Variants in CUBN observed in about 807,000 individuals in gnomAD.
CUBN encodes 460 kDa receptor.
A neutral mutation model predicts 405.3 loss-of-function variants in CUBN; 282 were observed. The observed-to-expected ratio is 0.70, with a 90% CI of 0.63 to 0.77. The LOEUF (loss-of-function observed/expected upper bound fraction) is 0.77. Ranked by LOEUF, CUBN falls within the 30% of genes least tolerant of loss-of-function variation. CUBN has a pLI of 0.00. For missense variants in CUBN, 4,514 were observed against 4,475.2 expected (o/e 1.01, Z -0.25); for synonymous variants, 1,684 against 1,617.0 (o/e 1.04, Z -0.99).
chr10:16,835,202 G>A lies in CUBN; in HGVS notation c.10181-7C>T. ...TGATAGTCTCTGTTGCAATCTTAGA[G>A]GAAAAATAGGCATAATTAATGTACG... is the stretch of plus-strand genomic sequence containing the variant. On this transcript the variant is annotated splice_region_variant and splice_polypyrimidine_tract_variant and intron_variant, in intron 63 of 66. Transcript: ENST00000377833. 1 of 1,609,716 alleles carries A rather than the reference G, an allele frequency of 6.2e-7. No homozygotes were observed. Among genetic ancestry groups the A allele is most frequent in the Non-Finnish European group, 8.5e-7 (1 of 1,176,022 alleles).
chr10:16,876,200 T>C (rs1215125876), intron 57 of CUBN, among the ~76,000 whole-genome samples: 3 of 152,224 alleles, frequency 2.0e-5, no homozygotes, highest in Non-Finnish European at 2.9e-5. Context: ...ACAAGATTTG[T>C]GTGCCAGTTT....
chr10:16,902,132 C>T (rs1487903377), intron 51 of CUBN, among the ~76,000 whole-genome samples: 1 of 131,660 alleles, frequency 7.6e-6, no homozygotes, highest in African/African-American at 2.9e-5. Context: ...TATATATATA[C>T]ACACTATATA....
Position 17,068,223 on chromosome 10 carries a change from T to G in CUBN, c.2849A>C (p.Asn950Thr). The change falls in exon 21 of 67, where the codon AAT (asparagine) becomes ACT (threonine). Residue 950 changes from asparagine (N) to threonine (T), a missense_variant. Physicochemically the swap from Asn to Thr is moderately conservative, Grantham distance 65. Coordinates refer to ENST00000377833, the MANE Select transcript of CUBN (RefSeq NM_001081.4). ...ACAGTTGATACCGTGGGGGTAGACA[T>G]TTGGATGGCCAGGACTTTGAATGGT... is the stretch of plus-strand genomic sequence containing the variant. ...TGTIQSPGHP[N>T]VYPHGINCTW... is the part of the protein sequence containing the mutation. 6.2e-7 allele frequency: 1 copy of G among 1,613,702 alleles called. No individual in the cohort carries two copies. Among genetic ancestry groups the G allele is most frequent in the Non-Finnish European group, 8.5e-7 (1 of 1,179,686 alleles).
chr10:17,127,996 A>G (rs1837239491), intron 2 of CUBN, 72 bp from the exon 3 acceptor site: 2 of 1,099,534 alleles, frequency 1.8e-6, no homozygotes, highest in East Asian at 2.4e-5. Flanking sequence ...CAGTAACATA[A>G]TTAAAAACTT....
chr10:17,109,504 T>C, intron 10 of CUBN, 136 bp downstream of exon 10: 1 of 732,420 alleles, frequency 1.4e-6, no homozygotes, highest in Non-Finnish European at 2.5e-6. Context: ...TGTGTAGTTT[T>C]ATGGCATGGA....
chr10:16,908,996 C>A (rs1476787072), intron 48 of CUBN, among the ~76,000 whole-genome samples: 1 of 151,106 alleles, frequency 6.6e-6, no homozygotes, highest in Non-Finnish European at 1.5e-5. Flanking sequence ...CATTCTCCTG[C>A]CTCAGCCTCC....
intron 15 of CUBN, 122 bp downstream of exon 15, chr10:17,088,042 A>T (rs969785483): frequency 1.9e-5 from 14 of 724,364 alleles, no homozygotes; most frequent in Non-Finnish European, 3.2e-5. Context: ...ATATTGACTG[A>T]CTATTGAGAA....
chr10:17,108,423 A>G (rs1374296810), intron 10 of CUBN, among the ~76,000 whole-genome samples: 3 of 151,944 alleles, frequency 2.0e-5, no homozygotes, highest in Non-Finnish European at 4.4e-5. Flanking sequence ...ATACACATAT[A>G]TGTTCTTTTC....
intron 17 of CUBN, among the ~76,000 whole-genome samples, chr10:17,081,700 G>T (rs894253607): frequency 6.6e-6 from 1 of 152,098 alleles, no homozygotes; most frequent in Non-Finnish European, 1.5e-5. Context: ...GGATAGAGAT[G>T]ATTTAAAGAC....
At chr10:16,843,956 G>T (rs891527809) in intron 60 of CUBN, among the ~76,000 whole-genome samples, 1 of 152,098 alleles carries the variant, frequency 6.6e-6, no homozygotes, top group African/African-American at 2.4e-5. Context: ...ATTTGGGTTG[G>T]CCCTTAAATG....
At chr10:17,011,528 G>A (rs893015420) in intron 28 of CUBN, among the ~76,000 whole-genome samples, 1 of 152,152 alleles carries the variant, frequency 6.6e-6, no homozygotes, top group Admixed American at 6.5e-5. Flanking sequence ...TGAACCCAGA[G>A]TGAGCAGCAG....
At chr10:17,007,240 A>G (rs570164365) in intron 28 of CUBN, among the ~76,000 whole-genome samples, 31 of 150,572 alleles carry the variant, frequency 2.1e-4, no homozygotes, top group Non-Finnish European at 3.0e-4. Context: ...CCGCTGGACA[A>G]TGCTGTCAAG....
rs768303828 is a variant in CUBN at position 16,877,112 on chromosome 10, G to T, written c.8906-15C>A. On this transcript the variant is annotated splice_polypyrimidine_tract_variant and intron_variant, in intron 56 of 66. Coordinates refer to ENST00000377833, the MANE Select transcript of CUBN (RefSeq NM_001081.4). ...AGCGGAACGAGCTGGAAAAGGCATG[G>T]AACAACCGCATTATGATCAGAACCT... 2.5e-6 allele frequency: 4 copies of T among 1,608,384 alleles called. No homozygotes were observed. In the East Asian group the frequency reaches 9.0e-5, roughly 36 times the overall value.
chr10:16,898,671 G>T (rs1306158214), intron 54 of CUBN, among the ~76,000 whole-genome samples: 3 of 152,088 alleles, frequency 2.0e-5, no homozygotes, highest in African/African-American at 7.2e-5. Flanking sequence ...GGTTTTTTCA[G>T]ACTGTGGGGT....
At chr10:17,023,519 A>C in intron 27 of CUBN, 1 of 432,204 alleles carries the variant, frequency 2.3e-6, no homozygotes, top group Non-Finnish European at 4.8e-6. Context: ...CCACACAAAA[A>C]GGAACAGTCA....
intron 59 of CUBN, among the ~76,000 whole-genome samples, 185 bp from the exon 60 acceptor site, chr10:16,851,628 C>A (rs756967852): frequency 4.1e-5 from 6 of 147,042 alleles, no homozygotes; most frequent in Non-Finnish European, 7.5e-5. Flanking sequence ...TCCTTCCCCC[C>A]ACCCGCCCCA....
At chr10:16,864,069 G>C in intron 59 of CUBN, among the ~76,000 whole-genome samples, 1 of 152,254 alleles carries the variant, frequency 6.6e-6, no homozygotes, top group East Asian at 1.9e-4. Flanking sequence ...AAAATCTAAT[G>C]TGTTCTATAT....
rs779132448 is a variant in CUBN at position 17,071,462 on chromosome 10, A to G, written c.2589T>C (p.Ile863=). ...CTGTTTCACAGTGGGCAGAACTTCC[A>G]ATTTCAAAGACAGTGAAGTTGAGGA... is the stretch of plus-strand genomic sequence containing the variant. ...VILLNFTVFE[I]GSSAHCETDY... The change falls in exon 19 of 67, where the codon ATT becomes ATC. Residue 863 remains isoleucine (I), a synonymous_variant. Transcript: ENST00000377833. 1.9e-6 allele frequency: 3 copies of G among 1,614,036 alleles called. No individual in the cohort carries two copies. The highest frequency in any genetic ancestry group is 2.5e-6 in the Non-Finnish European group (3 of 1,179,946).
chr10:17,050,817 G>A (rs1205698781), intron 22 of CUBN, among the ~76,000 whole-genome samples: 3 of 152,148 alleles, frequency 2.0e-5, no homozygotes, highest in Non-Finnish European at 2.9e-5. Flanking sequence ...GAAGTTGGAG[G>A]TAGAGACCTA....
Sources: gnomAD v4.1 joint callset for allele counts (sites outside exome capture counted in the v4.1 genomes callset) on GRCh38, gnomAD v4.1.1 for gene constraint, MANE v1.5 for transcripts, NCBI Gene and HGNC (gene_info 2026-07-23, HGNC 2026-07-21) for gene names.